Variants in COG2 observed in about 807,000 individuals in gnomAD.
The protein encoded by COG2 is conserved oligomeric Golgi complex subunit 2.
In COG2, 52 loss-of-function variants were observed where a neutral mutation model predicts 90.6. The ratio of observed to expected loss-of-function variants is 0.57; its 90% confidence interval spans 0.46 to 0.72. The LOEUF (loss-of-function observed/expected upper bound fraction) is 0.72, where lower values mean the gene tolerates loss of function less well. Among genes scored for constraint, COG2 ranks in the 30% least tolerant of loss-of-function variants. The pLI is 0.00. For synonymous variants in COG2, 337 were observed against 320.4 expected, an observed-to-expected ratio of 1.05 and a Z score of -0.55; for missense variants, 829 against 891.2, an observed-to-expected ratio of 0.93 and a Z score of 0.89.
At chr1:230,693,269 A>C in intron 17 of COG2, 23 bp from the exon 18 acceptor site, 273 of 1,242,196 alleles carry the variant, frequency 2.2e-4, no homozygotes, top group Non-Finnish European at 2.8e-4. Flanking sequence ...CAGTAACATA[A>C]TTCATTCTCA....
Position 230,687,088 on chromosome 1 carries a change from C to A in COG2, c.1534C>A (p.Gln512Lys). Residue 512 changes from glutamine (Q) to lysine (K), a missense_variant, in exon 13 of 18, where the codon CAG becomes AAG. Gln to Lys is a moderately conservative substitution (Grantham distance 53, BLOSUM62 1). Coordinates refer to ENST00000366669, the MANE Select transcript of COG2 (RefSeq NM_007357.3). ...GCCTGTGGTTTCCATTTCCCGCACT[C>A]AGCTCGTGTATGTGGTTGCAGACCT... ...TKPVVSISRT[Q>K]LVYVVADLDK... is the part of the protein sequence containing the mutation. 6.2e-7 allele frequency: 1 copy of A among 1,613,516 alleles called. No individual in the cohort carries two copies. Among genetic ancestry groups the A allele is most frequent in the Non-Finnish European group, 8.5e-7 (1 of 1,179,682 alleles).
Position 230,668,767 on chromosome 1 carries a change from T to C in COG2, c.577T>C (p.Leu193=), listed in dbSNP as rs780181339. ...TGTTCAAAGCAAAGGCATGCCTCTT[T>C]TGGACAAAGTAAGACCGGTAAGTGT... ...HAVQSKGMPL[L]DKVRPRIAGI... is the part of the protein sequence containing the mutation. Residue 193 remains leucine (L), a synonymous_variant, in exon 6 of 18, where the codon TTG becomes CTG. Coordinates refer to ENST00000366669, the MANE Select transcript of COG2 (RefSeq NM_007357.3). 1.2e-6 allele frequency: 2 copies of C among 1,606,276 alleles called. No homozygotes were observed. The highest frequency in any genetic ancestry group is 2.7e-5 in the African/African-American group (2 of 74,688).
chr1:230,687,026 A>T lies in COG2; in HGVS notation c.1472A>T (p.Asn491Ile). Reference sequence around the variant, plus strand: ...AAAGAACCTTCCATCACCCAAGGAAACACTGAAGACCAAGGAAGTGGTCCT... The same window carrying T: ...AAAGAACCTTCCATCACCCAAGGAATCACTGAAGACCAAGGAAGTGGTCCT... The part of the protein sequence containing the change: ...GSKEPSITQG[N>I]TEDQGSGPSE... The change falls in exon 13 of 18, where the codon AAC (asparagine) becomes ATC (isoleucine). Residue 491 changes from asparagine (N) to isoleucine (I), a missense_variant. Coordinates refer to ENST00000366669, the MANE Select transcript of COG2 (RefSeq NM_007357.3). The T allele has an allele frequency of 6.2e-7, 1 of 1,612,020 alleles. No individual in the cohort carries two copies. The highest frequency in any genetic ancestry group is 8.5e-7 in the Non-Finnish European group (1 of 1,178,802).
intron 11 of COG2, among the ~76,000 whole-genome samples, chr1:230,683,951 C>G (rs559214753): frequency 1.2e-4 from 19 of 152,082 alleles, no homozygotes; most frequent in Admixed American, 1.2e-3. Context: ...ACCACCACGC[C>G]TAGTTAATTT....
Position 230,691,441 on chromosome 1 carries a change from G to A in COG2, c.1992G>A (p.Leu664=). 5 of 1,614,114 alleles carry A rather than the reference G, an allele frequency of 3.1e-6. No homozygotes were observed. Among genetic ancestry groups the A allele is most frequent in the East Asian group, 2.2e-5 (1 of 44,874 alleles). The change falls in exon 17 of 18, where the codon CTG becomes CTA. Residue 664 remains leucine, a synonymous_variant. Coordinates refer to ENST00000366669, the MANE Select transcript of COG2 (RefSeq NM_007357.3). ...LNSVKKMEES[L]KRLKQARKTT... ...CTGTGAAGAAGATGGAAGAGAGCCT[G>A]AAAAGGCTGAAACAAGCCAGAAAAA...
At chr1:230,661,910 G>A (rs1185749075) in intron 3 of COG2, among the ~76,000 whole-genome samples, 1 of 152,108 alleles carries the variant, frequency 6.6e-6, no homozygotes, top group Non-Finnish European at 1.5e-5. Context: ...CACTCTGGGT[G>A]GCTTTTACAT....
In COG2 at chr1:230,658,627, T is replaced by A. The variant is rs543643642; in HGVS notation, c.73-837T>A. On this transcript the variant is annotated intron_variant, in intron 1 of 17. Transcript: ENST00000366669. The stretch of plus-strand genomic sequence containing the variant: ...CTCTAGAGCCATCAAGCAGTGACGT[T>A]TAAGTCTGCTGAAGCTGCACCCGCA... Among the ~76,000 whole-genome samples the A allele has an allele frequency of 8.5e-5, 13 of 152,298 alleles. 1 individual carries two copies. The highest frequency in any genetic ancestry group is 3.1e-4 in the African/African-American group (13 of 41,570).
intron 1 of COG2, among the ~76,000 whole-genome samples, chr1:230,646,523 G>C (rs746978868): frequency 1.2e-3 from 177 of 152,184 alleles, no homozygotes; most frequent in Non-Finnish European, 2.1e-3. Flanking sequence ...CTTTCCGCAG[G>C]TGACCCACTT....
chr1:230,647,200 C>A (rs558536162), intron 1 of COG2, among the ~76,000 whole-genome samples: 1 of 152,112 alleles, frequency 6.6e-6, no homozygotes, highest in Non-Finnish European at 1.5e-5. Context: ...TGGACAGTTT[C>A]TATTGATTAG....
chr1:230,673,002 CCTCT>C (rs1205763962), intron 8 of COG2, among the ~76,000 whole-genome samples: 2 of 152,050 alleles, frequency 1.3e-5, no homozygotes, highest in Non-Finnish European at 2.9e-5. Context: ...TTTGCAGTAC[CCTCT>C]CTGTTTCCTC....
intron 15 of COG2, 139 bp from the exon 16 acceptor site, chr1:230,689,874 CT>C: frequency 1.3e-6 from 1 of 793,960 alleles, no homozygotes; most frequent in South Asian, 2.1e-5. Context: ...CCCAGTGTTA[CT>C]TTTGGGAGGG....
chr1:230,657,586 A>G (rs974818382), intron 1 of COG2, among the ~76,000 whole-genome samples: 11 of 151,872 alleles, frequency 7.2e-5, no homozygotes, highest in African/African-American at 2.2e-4. Flanking sequence ...GGTGTTTTCT[A>G]TGTTTCCTGA....
chr1:230,691,294 A>G (rs961082270), intron 16 of COG2, 90 bp from the exon 17 acceptor site: 2 of 1,172,964 alleles, frequency 1.7e-6, no homozygotes, highest in Admixed American at 3.2e-5. Context: ...TATCTTAAAA[A>G]TCTCTTTTTT....
intron 12 of COG2, among the ~76,000 whole-genome samples, chr1:230,686,114 T>C (rs1280328203): frequency 6.6e-6 from 1 of 152,238 alleles, no homozygotes. Context: ...CTGGAGAAAT[T>C]AAGCTGAGTC....
chr1:230,645,939 C>T (rs756965489), intron 1 of COG2, among the ~76,000 whole-genome samples: 2 of 152,046 alleles, frequency 1.3e-5, no homozygotes, highest in Admixed American at 6.5e-5. Context: ...ATACAGGCTG[C>T]GCTCCTCCTG....
chr1:230,678,961 G>C lies in COG2; in HGVS notation c.1075G>C (p.Gly359Arg), dbSNP rs1380484623. 2.5e-6 allele frequency: 4 copies of C among 1,612,920 alleles called. No homozygotes were observed. The change falls in exon 10 of 18, where the codon GGA (glycine) becomes CGA (arginine). Residue 359 changes from glycine (G) to arginine (R), a missense_variant. Gly to Arg is a moderately radical substitution (Grantham distance 125, BLOSUM62 -2). Coordinates refer to ENST00000366669, the MANE Select transcript of COG2 (RefSeq NM_007357.3). ...DFVRRLERQCGSQASVKRLRA... is the reference protein window; with the variant it reads ...DFVRRLERQCRSQASVKRLRA... ...TGTCAGAAGATTGGAACGGCAGTGTGGATCACAGGCTAGTGTAAAGAGATT... is the reference window on the plus strand; with the variant it reads ...TGTCAGAAGATTGGAACGGCAGTGTCGATCACAGGCTAGTGTAAAGAGATT...
At chr1:230,677,965 C>G (rs1662640596) in intron 9 of COG2, 2 of 965,228 alleles carry the variant, frequency 2.1e-6, no homozygotes, top group Non-Finnish European at 2.5e-6. Context: ...CTAGACCACC[C>G]TCTGGGATAA....
chr1:230,675,644 TTAC>T (rs1194690822), intron 9 of COG2, among the ~76,000 whole-genome samples: 1 of 152,064 alleles, frequency 6.6e-6, no homozygotes, highest in Non-Finnish European at 1.5e-5. Flanking sequence ...TATTTTATTA[TTAC>T]TATTACTATT....
intron 8 of COG2, among the ~76,000 whole-genome samples, chr1:230,674,422 A>G (rs1662535833): frequency 6.6e-6 from 1 of 152,228 alleles, no homozygotes; most frequent in Non-Finnish European, 1.5e-5. Context: ...CTAAAAAAAG[A>G]CAAAACAAGA....
Sources: gnomAD v4.1 joint callset for allele counts (sites outside exome capture counted in the v4.1 genomes callset) on GRCh38, gnomAD v4.1.1 for gene constraint, MANE v1.5 for transcripts, NCBI Gene and HGNC (gene_info 2026-07-23, HGNC 2026-07-21) for gene names.